The following STRN3 variants were observed in gnomAD, a reference collection of about 807,000 sequenced individuals.
STRN3 encodes the protein striatin 3.
A neutral mutation model predicts 95.6 loss-of-function variants in STRN3; 29 were observed. The observed-to-expected ratio is 0.30, with a 90% CI of 0.23 to 0.41. The LOEUF (loss-of-function observed/expected upper bound fraction) is 0.41, where lower values mean the gene tolerates loss of function less well. Ranked by LOEUF, STRN3 falls within the 10% of genes least tolerant of loss-of-function variation. The pLI, the probability that STRN3 is intolerant of heterozygous loss-of-function variation, is 1.00. For missense variants in STRN3, 890 were observed against 972.1 expected, an observed-to-expected ratio of 0.92 and a Z score of 1.12; for synonymous variants, 331 against 357.6, an observed-to-expected ratio of 0.93 and a Z score of 0.84.
chr14:30,992,851 A>T (rs1882028676), intron 1 of STRN3, among the ~76,000 whole-genome samples: 1 of 151,990 alleles, frequency 6.6e-6, no homozygotes, highest in Admixed American at 6.6e-5. Context: ...TATTTCTAAA[A>T]ACAAACAAAC....
At chr14:30,954,943 C>T (rs1356830478) in intron 3 of STRN3, among the ~76,000 whole-genome samples, 2 of 151,598 alleles carry the variant, frequency 1.3e-5, no homozygotes, top group African/African-American at 4.8e-5. Flanking sequence ...TCTGAATTCA[C>T]CAGGTATTTT....
chr14:31,022,807 G>A (rs543751769), intron 1 of STRN3, among the ~76,000 whole-genome samples: 34 of 152,186 alleles, frequency 2.2e-4, no homozygotes, highest in African/African-American at 8.2e-4. Context: ...ACCTAAATTT[G>A]TCTCCTCACC....
At position 30,905,042 on chromosome 14, in the gene STRN3, T is replaced by C. The variant is rs182864887; in HGVS notation, c.2029+376A>G. Among the ~76,000 whole-genome samples, 24 of 151,408 alleles carry C rather than the reference T, an allele frequency of 1.6e-4. 1 individual carries two copies. In the East Asian group the frequency reaches 3.1e-3, roughly 20 times the overall value. ...AGACCTGAGAGACCTATCAAACAACTGCAATACATAAATCTTATGTGATCC... is the reference window on the plus strand; with the variant it reads ...AGACCTGAGAGACCTATCAAACAACCGCAATACATAAATCTTATGTGATCC... On this transcript the variant is annotated intron_variant, in intron 15 of 17. Coordinates refer to ENST00000357479, the MANE Select transcript of STRN3 (RefSeq NM_001083893.2).
intron 1 of STRN3, among the ~76,000 whole-genome samples, chr14:30,965,049 T>C (rs1880415322): frequency 6.6e-6 from 1 of 152,160 alleles, no homozygotes; most frequent in Admixed American, 6.5e-5. Flanking sequence ...AACATGTTAT[T>C]TGATGGAATT....
intron 12 of STRN3, 73 bp from the exon 13 acceptor site, chr14:30,911,235 C>A: frequency 6.7e-7 from 1 of 1,484,270 alleles, no homozygotes; most frequent in Admixed American, 2.3e-5. Context: ...ATTCCCCCAA[C>A]CTCTGAATTT....
At chr14:30,979,941 T>C (rs562849965) in intron 1 of STRN3, among the ~76,000 whole-genome samples, 2 of 152,108 alleles carry the variant, frequency 1.3e-5, no homozygotes, top group African/African-American at 2.4e-5. Flanking sequence ...ACAATCAGCA[T>C]GTGAATGCAC....
chr14:31,009,872 T>C (rs179714), intron 1 of STRN3, among the ~76,000 whole-genome samples: 96,672 of 151,900 alleles, frequency 0.64, 31,742 homozygotes, highest in Non-Finnish European at 0.73. Context: ...GCTGGGGTGG[T>C]AGGATTGCTT....
At chr14:30,918,310 C>T (rs1457230021) in intron 9 of STRN3, among the ~76,000 whole-genome samples, 2 of 152,046 alleles carry the variant, frequency 1.3e-5, no homozygotes, top group Non-Finnish European at 2.9e-5. Flanking sequence ...AGTTCGAGAC[C>T]AGCCTGGCCA....
intron 16 of STRN3, among the ~76,000 whole-genome samples, chr14:30,896,280 T>C (rs900854412): frequency 6.6e-6 from 1 of 152,222 alleles, no homozygotes; most frequent in African/African-American, 2.4e-5. Flanking sequence ...CAATATCTGA[T>C]AGACACTGTA....
At chr14:31,013,623 CAG>C (rs1883074415) in intron 1 of STRN3, among the ~76,000 whole-genome samples, 1 of 151,616 alleles carries the variant, frequency 6.6e-6, no homozygotes, top group Non-Finnish European at 1.5e-5. Flanking sequence ...TTTAAAGAGA[CAG>C]AGTCTTTTAC....
intron 1 of STRN3, among the ~76,000 whole-genome samples, chr14:30,995,435 A>G (rs1193752872): frequency 6.6e-6 from 1 of 152,144 alleles, no homozygotes; most frequent in Non-Finnish European, 1.5e-5. Flanking sequence ...ATAGCTTCAT[A>G]ACCCTCTCTC....
intron 3 of STRN3, among the ~76,000 whole-genome samples, chr14:30,953,270 C>G (rs1879741689): frequency 6.6e-6 from 1 of 152,170 alleles, no homozygotes; most frequent in South Asian, 2.1e-4. Context: ...ACATTATCAG[C>G]ATCCCCAAAA....
At chr14:30,934,700 ATTCT>A (rs1231866212) in intron 7 of STRN3, among the ~76,000 whole-genome samples, 14 of 152,138 alleles carry the variant, frequency 9.2e-5, no homozygotes, top group African/African-American at 1.4e-4. Context: ...GAGTAGCTTT[ATTCT>A]TTCTAATTAC....
intron 1 of STRN3, among the ~76,000 whole-genome samples, chr14:30,992,412 AAAAAG>A (rs1461221132): frequency 1.3e-5 from 2 of 151,714 alleles, no homozygotes; most frequent in African/African-American, 4.8e-5. Flanking sequence ...CTCAAAAAAA[AAAAAG>A]AAAAGGAAAG....
intron 2 of STRN3, among the ~76,000 whole-genome samples, 200 bp downstream of exon 2, chr14:30,955,939 T>C (rs1879881346): frequency 6.6e-6 from 1 of 152,214 alleles, no homozygotes; most frequent in East Asian, 1.9e-4. Context: ...ATTTAGATTC[T>C]GTAACAAAAC....
intron 1 of STRN3, among the ~76,000 whole-genome samples, chr14:30,977,962 G>A (rs1881196524): frequency 1.3e-5 from 2 of 151,990 alleles, no homozygotes; most frequent in Admixed American, 1.3e-4. Context: ...CTTACATAAG[G>A]AGCAATAAAT....
chr14:30,949,653 C>T (rs767047544), intron 4 of STRN3, among the ~76,000 whole-genome samples: 2 of 150,694 alleles, frequency 1.3e-5, no homozygotes, highest in Non-Finnish European at 2.9e-5. Flanking sequence ...CACTGCACTC[C>T]GGCCTGGGTG....
intron 7 of STRN3, among the ~76,000 whole-genome samples, chr14:30,933,325 A>T (rs943397266): frequency 6.8e-6 from 1 of 147,658 alleles, no homozygotes; most frequent in African/African-American, 2.5e-5. Flanking sequence ...AGAACCATGT[A>T]TTAAGTGAAA....
chr14:30,955,723 CACA>C (rs1879868844), intron 2 of STRN3, 30 bp from the exon 3 acceptor site: 2 of 1,528,172 alleles, frequency 1.3e-6, no homozygotes, highest in African/African-American at 1.4e-5. Context: ...TTAGTAAAAT[CACA>C]ACTTCTTCTT....
Sources: allele counts gnomAD v4.1 joint callset (sites outside exome capture counted in the v4.1 genomes callset), GRCh38; gene constraint gnomAD v4.1.1; transcripts MANE v1.5; gene names NCBI Gene and HGNC (gene_info 2026-07-23, HGNC 2026-07-21).